The following ADGRA2 variants were observed in gnomAD, a reference collection of about 807,000 sequenced individuals.
ADGRA2 encodes G-protein coupled receptor 124.
In ADGRA2, 61 loss-of-function variants were observed where a neutral mutation model predicts 98.7. That is an observed-to-expected ratio of 0.62 (90% CI 0.50 to 0.76). The LOEUF (loss-of-function observed/expected upper bound fraction) is 0.76, where lower values mean the gene tolerates loss of function less well. Among genes scored for constraint, ADGRA2 ranks in the 30% least tolerant of loss-of-function variants. The pLI is 0.00. For missense variants in ADGRA2, 1,712 were observed against 1,860.0 expected (o/e 0.92, Z 1.46); for synonymous variants, 858 against 831.5 (o/e 1.03, Z -0.55).
At chr8:37,803,365 G>A (rs960859298) in intron 1 of ADGRA2, among the ~76,000 whole-genome samples, 2 of 152,182 alleles carry the variant, frequency 1.3e-5, no homozygotes, top group East Asian at 3.9e-4. Flanking sequence ...CCCAGAGGTA[G>A]AGGCTGCCCC....
intron 2 of ADGRA2, among the ~76,000 whole-genome samples, chr8:37,820,557 C>G (rs1443561706): frequency 6.6e-6 from 1 of 152,264 alleles, no homozygotes; most frequent in Non-Finnish European, 1.5e-5. Flanking sequence ...ACTGATCCCT[C>G]TGTCCTGTCA....
intron 13 of ADGRA2, among the ~76,000 whole-genome samples, chr8:37,836,042 C>CACACACACACACAA (rs1805603846): frequency 8.5e-5 from 1 of 11,758 alleles, no homozygotes; most frequent in Non-Finnish European, 1.6e-4. Flanking sequence ...CCCTCCAACA[C>CACACACACACACAA]ACACACACAC....
chr8:37,804,879 C>G lies in ADGRA2; in HGVS notation c.266+7345C>G, dbSNP rs374822003. On this transcript the variant is annotated intron_variant, in intron 1 of 18. Transcript: ENST00000412232. ...CAAGTACAAGCGTACTCACGGGGTC[C>G]CTGTACATAAGCACTGCATGGAGTA... Among the ~76,000 whole-genome samples, 28 of 152,358 alleles carry G rather than the reference C, an allele frequency of 1.8e-4. 1 individual carries two copies. In the South Asian group the frequency reaches 5.8e-3, roughly 32 times the overall value.
At chr8:37,840,022 C>G in intron 16 of ADGRA2, 99 bp from the exon 17 acceptor site, 1 of 1,156,004 alleles carries the variant, frequency 8.7e-7, no homozygotes, top group East Asian at 2.4e-5. Flanking sequence ...AGCTGGGGGC[C>G]GGAGGCTGGA....
In ADGRA2 at chr8:37,841,008, T is replaced by A; in HGVS notation, c.2748-78T>A. On this transcript the variant is annotated intron_variant, in intron 18 of 18. Transcript: ENST00000412232. This position sits in a 1 kb window ranked among gnomAD's most constrained non-coding sequence, Gnocchi z 5.0. ...TTGTCTCCGTACTCACCATATCCTG[T>A]CTCCCCAACCACCCCGGCCCCCAGC... The A allele has an allele frequency of 1.4e-6, 2 of 1,397,578 alleles. No individual in the cohort carries two copies. Among genetic ancestry groups the A allele is most frequent in the Non-Finnish European group, 2.0e-6 (2 of 1,012,542 alleles). 86.6% of individuals were successfully genotyped at this position (1,397,578 alleles called of 1,614,324 possible).
At position 37,828,799 on chromosome 8, in the gene ADGRA2, A is replaced by C. The variant is rs1006940888; in HGVS notation, c.339-89A>C. On this transcript the variant is annotated intron_variant, in intron 2 of 18. Coordinates refer to ENST00000412232, the MANE Select transcript of ADGRA2 (RefSeq NM_032777.10). The stretch of plus-strand genomic sequence containing the variant: ...TCAAGTCCCTGAGAAACCCAGCAAC[A>C]ACACCGTGGTGACAGTGAGGACCCC... 4.0e-6 allele frequency: 4 copies of C among 1,005,546 alleles called. No individual in the cohort carries two copies. The African/African-American group carries it at 6.5e-5, about 16-fold the overall frequency. 62.3% of individuals were successfully genotyped at this position (1,005,546 alleles called of 1,614,324 possible). A position where few individuals can be genotyped will look rare whatever the true frequency, so the allele number is the denominator to read the frequency against.
intron 2 of ADGRA2, among the ~76,000 whole-genome samples, chr8:37,828,357 T>C (rs972685055): frequency 2.0e-5 from 3 of 152,064 alleles, no homozygotes; most frequent in Non-Finnish European, 4.4e-5. Flanking sequence ...TCCAGGACGC[T>C]CTCCATGTTG....
intron 16 of ADGRA2, among the ~76,000 whole-genome samples, chr8:37,839,828 G>C (rs942467120): frequency 6.6e-6 from 1 of 152,162 alleles, no homozygotes; most frequent in Non-Finnish European, 1.5e-5. Context: ...AGAGAGAATG[G>C]GAGATGGGCT....
At chr8:37,840,028 C>T in intron 16 of ADGRA2, 93 bp from the exon 17 acceptor site, 1 of 1,231,964 alleles carries the variant, frequency 8.1e-7, no homozygotes, top group East Asian at 2.3e-5. Context: ...GGGCCGGAGG[C>T]TGGAAGCCTG....
At chr8:37,840,458 G>A (rs1269080792) in intron 17 of ADGRA2, among the ~76,000 whole-genome samples, 192 bp downstream of exon 17, 1 of 152,114 alleles carries the variant, frequency 6.6e-6, no homozygotes, top group Non-Finnish European at 1.5e-5. Flanking sequence ...GGCTTCTGGG[G>A]CATGACAAAG....
At position 37,842,623 on chromosome 8, in the gene ADGRA2, C is replaced by T. The variant is rs781023280; in HGVS notation, c.*268C>T. On this transcript the variant is annotated 3_prime_UTR_variant, in exon 19 of 19. Transcript: ENST00000412232. ...TCCCAGGAACGGGGAAGGCCTCCGT[C>T]TGTGTGAAAGGGCACAGCACATCCC... 12 of 443,374 alleles carry T rather than the reference C, an allele frequency of 2.7e-5. No individual in the cohort carries two copies. The highest frequency in any genetic ancestry group is 4.1e-5 in the Non-Finnish European group (11 of 266,960). 27.5% of individuals were successfully genotyped at this position (443,374 alleles called of 1,614,324 possible).
chr8:37,810,887 C>T (rs1040929417), intron 1 of ADGRA2, among the ~76,000 whole-genome samples: 3 of 151,784 alleles, frequency 2.0e-5, no homozygotes, highest in Admixed American at 6.6e-5. Context: ...GAGGCCGAGG[C>T]GAGTGGATCA....
chr8:37,828,471 G>A (rs1805347092), intron 2 of ADGRA2, among the ~76,000 whole-genome samples: 1 of 147,710 alleles, frequency 6.8e-6, no homozygotes, highest in African/African-American at 2.5e-5. Context: ...GCCTGTCCGA[G>A]GGGGTGGTTC....
At chr8:37,823,108 G>T (rs1805173425) in intron 2 of ADGRA2, among the ~76,000 whole-genome samples, 1 of 151,486 alleles carries the variant, frequency 6.6e-6, no homozygotes, top group African/African-American at 2.4e-5. Flanking sequence ...GGTCAGGCTG[G>T]TCTCGAACTC....
At chr8:37,835,918 G>T in intron 13 of ADGRA2, 148 bp downstream of exon 13, 2 of 625,000 alleles carry the variant, frequency 3.2e-6, no homozygotes, top group Non-Finnish European at 2.9e-6. Flanking sequence ...TTCCCAACAG[G>T]GCAGAGGGTA....
At chr8:37,838,375 C>T (rs887491157) in intron 14 of ADGRA2, among the ~76,000 whole-genome samples, 2 of 152,030 alleles carry the variant, frequency 1.3e-5, no homozygotes, top group Non-Finnish European at 2.9e-5. Flanking sequence ...AGTCAGCCTC[C>T]CAAGTAGCTG....
At position 37,844,578 on chromosome 8, in the gene ADGRA2, T is replaced by C; in HGVS notation, c.*2223T>C. 2 of 1,614,128 alleles carry C rather than the reference T, an allele frequency of 1.2e-6. No individual in the cohort carries two copies. Among genetic ancestry groups the C allele is most frequent in the Non-Finnish European group, 1.7e-6 (2 of 1,180,008 alleles). On this transcript the variant is annotated 3_prime_UTR_variant, in exon 19 of 19. Transcript: ENST00000412232. ...AACTTCCTGAGGGGTACGCAAATAC[T>C]GTTCTATTTCACTATCAGAAATGTT...
intron 1 of ADGRA2, among the ~76,000 whole-genome samples, chr8:37,804,101 A>AGACG (rs1491199099): frequency 8.5e-5 from 1 of 11,780 alleles, no homozygotes; most frequent in East Asian, 1.6e-3. Flanking sequence ...CCACGGTGAG[A>AGACG]CACACACACA....
rs764578995 is a variant in ADGRA2 at position 37,833,114 on chromosome 8, G to A, written c.1202G>A (p.Arg401His). The A allele has an allele frequency of 9.9e-6, 16 of 1,612,740 alleles. No homozygotes were observed. Among genetic ancestry groups the A allele is most frequent in the East Asian group, 2.2e-5 (1 of 44,884 alleles). ...GGGAPGTRASRRCDRAGRWEP... is the reference protein window; with the variant it reads ...GGGAPGTRASHRCDRAGRWEP... ...GGTGCCCCGGGCACCCGAGCCTCCC[G>A]CCGGTGTGACCGTGCCGGCCGCTGG... Residue 401 changes from arginine (R) to histidine (H), a missense_variant, in exon 9 of 19, where the codon CGC becomes CAC. Coordinates refer to ENST00000412232, the MANE Select transcript of ADGRA2 (RefSeq NM_032777.10).
Sources: gnomAD v4.1 joint callset for allele counts (sites outside exome capture counted in the v4.1 genomes callset) on GRCh38, gnomAD v4.1.1 for gene constraint, Gnocchi (gnomAD v3.1) non-coding constraint, MANE v1.5 for transcripts, NCBI Gene and HGNC (gene_info 2026-07-23, HGNC 2026-07-21) for gene names.